PLCB1: variants seen among roughly 807,000 people sequenced by gnomAD.
PLCB1 encodes the protein 1-phosphatidylinositol 4,5-bisphosphate phosphodiesterase beta-1.
A neutral mutation model predicts 161.8 loss-of-function variants in PLCB1; 46 were observed. That is an observed-to-expected ratio of 0.28 (90% CI 0.22 to 0.36). PLCB1 has a LOEUF of 0.36. Ranked by LOEUF, PLCB1 falls within the 10% of genes least tolerant of loss-of-function variation. The pLI is 1.00. For synonymous variants in PLCB1, 517 were observed against 503.7 expected, an observed-to-expected ratio of 1.03 and a Z score of -0.35; for missense variants, 1,016 against 1,472.5, an observed-to-expected ratio of 0.69 and a Z score of 5.07.
intron 23 of PLCB1, among the ~76,000 whole-genome samples, chr20:8,750,603 C>G (rs1036044103): frequency 9.2e-5 from 14 of 152,148 alleles, no homozygotes; most frequent in Admixed American, 7.2e-4. Context: ...CACTCCTAAA[C>G]GTTTGGGAGT....
chr20:8,630,278 G>T (rs568322902), intron 4 of PLCB1, among the ~76,000 whole-genome samples: 25 of 151,688 alleles, frequency 1.6e-4, no homozygotes, highest in African/African-American at 6.0e-4. Context: ...GTAGAGACGG[G>T]GTTTCACCAT....
intron 2 of PLCB1, among the ~76,000 whole-genome samples, chr20:8,255,198 G>C (rs1981352027): frequency 6.6e-6 from 1 of 152,044 alleles, no homozygotes; most frequent in African/African-American, 2.4e-5. Flanking sequence ...TTATTGGTTG[G>C]ACATCAGCAT....
chr20:8,260,793 AG>A (rs1449876335), intron 2 of PLCB1, among the ~76,000 whole-genome samples: 1 of 152,094 alleles, frequency 6.6e-6, no homozygotes, highest in Non-Finnish European at 1.5e-5. Flanking sequence ...TCTATACCCA[AG>A]GCATGTGCAT....
At chr20:8,308,673 G>A (rs1984249525) in intron 2 of PLCB1, among the ~76,000 whole-genome samples, 1 of 148,064 alleles carries the variant, frequency 6.8e-6, no homozygotes, top group African/African-American at 2.5e-5. Context: ...TTTTACAGAT[G>A]AGAAAACTGA....
intron 2 of PLCB1, among the ~76,000 whole-genome samples, chr20:8,362,793 T>C (rs997481698): frequency 3.9e-5 from 6 of 152,226 alleles, no homozygotes; most frequent in African/African-American, 1.2e-4. Flanking sequence ...TTTTTTCATA[T>C]ACGTGAAAAA....
chr20:8,302,381 T>G (rs865865735), intron 2 of PLCB1, among the ~76,000 whole-genome samples: 1 of 152,216 alleles, frequency 6.6e-6, no homozygotes, highest in South Asian at 2.1e-4. Context: ...GCAGATGTCA[T>G]GACAGTTTTT....
At chr20:8,567,905 T>G (rs1036864149) in intron 3 of PLCB1, among the ~76,000 whole-genome samples, 1 of 152,180 alleles carries the variant, frequency 6.6e-6, no homozygotes, top group East Asian at 1.9e-4. Flanking sequence ...TGAAGTCAAT[T>G]TATACTTTAA....
intron 3 of PLCB1, among the ~76,000 whole-genome samples, chr20:8,593,568 A>G (rs946224803): frequency 1.3e-5 from 2 of 152,320 alleles, no homozygotes; most frequent in East Asian, 3.9e-4. Context: ...TCCTTAGTAT[A>G]ATACCAATGA....
At chr20:8,666,976 A>T (rs1228627620) in intron 9 of PLCB1, among the ~76,000 whole-genome samples, 1 of 152,162 alleles carries the variant, frequency 6.6e-6, no homozygotes, top group African/African-American at 2.4e-5. Context: ...TACTCAGTTT[A>T]AAAACCACTC....
chr20:8,138,433 T>A (rs1418971339), intron 1 of PLCB1, among the ~76,000 whole-genome samples: 1 of 152,154 alleles, frequency 6.6e-6, no homozygotes, highest in Non-Finnish European at 1.5e-5. Flanking sequence ...ACGCTATGGG[T>A]CTCCACTTAA....
chr20:8,136,753 T>C (rs528856607), intron 1 of PLCB1, among the ~76,000 whole-genome samples: 12 of 152,326 alleles, frequency 7.9e-5, no homozygotes, highest in African/African-American at 2.9e-4. Flanking sequence ...TTCCATTCCC[T>C]TTAATGTGTG....
intron 4 of PLCB1, among the ~76,000 whole-genome samples, chr20:8,635,223 G>C (rs1304188133): frequency 6.6e-6 from 1 of 151,986 alleles, no homozygotes; most frequent in Non-Finnish European, 1.5e-5. Flanking sequence ...CTAGCTTAGT[G>C]CTTGGCTCAA....
At chr20:8,761,450 CA>C (rs1982021981) in intron 25 of PLCB1, among the ~76,000 whole-genome samples, 1 of 152,122 alleles carries the variant, frequency 6.6e-6, no homozygotes, top group Non-Finnish European at 1.5e-5. Flanking sequence ...TGCATTTCAT[CA>C]AGAAATGCAT....
intron 27 of PLCB1, among the ~76,000 whole-genome samples, chr20:8,787,377 C>G (rs2146218779): frequency 6.6e-6 from 1 of 152,292 alleles, no homozygotes. Context: ...CGGGGACTCC[C>G]TTATACTTGG....
At chr20:8,798,557 G>C (rs752668474) in intron 31 of PLCB1, among the ~76,000 whole-genome samples, 2 of 115,268 alleles carry the variant, frequency 1.7e-5, no homozygotes, top group Admixed American at 1.1e-4. Flanking sequence ...TTGTCACAGA[G>C]TTGAACATAC....
intron 3 of PLCB1, among the ~76,000 whole-genome samples, chr20:8,591,150 A>G (rs1350770295): frequency 6.6e-6 from 1 of 152,160 alleles, no homozygotes; most frequent in African/African-American, 2.4e-5. Context: ...AAAGGACATG[A>G]TCTTGTTCCT....
At chr20:8,669,242 A>T (rs4816072) in intron 9 of PLCB1, among the ~76,000 whole-genome samples, 57,336 of 152,134 alleles carry the variant, frequency 0.38, 11,389 homozygotes, top group Non-Finnish European at 0.43. Context: ...AGCTTGAAGG[A>T]AAAGGAAAGT....
intron 3 of PLCB1, among the ~76,000 whole-genome samples, chr20:8,391,773 ATATATGTG>A (rs1381687477): frequency 5.6e-5 from 5 of 88,540 alleles, no homozygotes; most frequent in South Asian, 5.7e-4. Flanking sequence ...GTATATATAT[ATATATGTG>A]TGTGTATATA....
chr20:8,769,731 C>T (rs1344619887), intron 26 of PLCB1, among the ~76,000 whole-genome samples: 1 of 152,006 alleles, frequency 6.6e-6, no homozygotes, highest in Admixed American at 6.6e-5. Context: ...TTATTAATTA[C>T]CCTGAAACTA....
Sources: allele counts gnomAD v4.1 joint callset (sites outside exome capture counted in the v4.1 genomes callset), GRCh38; gene constraint gnomAD v4.1.1; transcripts MANE v1.5; gene names NCBI Gene and HGNC (gene_info 2026-07-23, HGNC 2026-07-21).